The following CACHD1 variants were observed in gnomAD, a reference collection of about 807,000 sequenced individuals.
CACHD1 encodes cache domain containing 1.
CACHD1 carries 71 observed loss-of-function variants against 138.7 expected under a neutral mutation model. The ratio of observed to expected loss-of-function variants is 0.51; its 90% confidence interval spans 0.42 to 0.62. The LOEUF is 0.62. Ranked by LOEUF, CACHD1 falls within the 20% of genes least tolerant of loss-of-function variation. CACHD1 has a pLI of 0.00. For missense variants in CACHD1, 1,389 were observed against 1,625.3 expected, an observed-to-expected ratio of 0.85 and a Z score of 2.50; for synonymous variants, 578 against 591.5, an observed-to-expected ratio of 0.98 and a Z score of 0.33.
At chr1:64,689,354 G>A (rs1650469032) in intron 26 of CACHD1, among the ~76,000 whole-genome samples, 1 of 152,064 alleles carries the variant, frequency 6.6e-6, no homozygotes, top group Non-Finnish European at 1.5e-5. Context: ...ACTTGAAGTT[G>A]TAGTCACCTT....
At chr1:64,599,498 C>G (rs1034084652) in intron 3 of CACHD1, among the ~76,000 whole-genome samples, 5 of 151,680 alleles carry the variant, frequency 3.3e-5, no homozygotes, top group African/African-American at 4.8e-5. Flanking sequence ...CAATTGGGGT[C>G]GAACAGAAGA....
rs1646688072 is a variant in CACHD1 at position 64,542,913 on chromosome 1, A to G, written c.199-7681A>G. 2.0e-5 allele frequency among the ~76,000 whole-genome samples: 3 copies of G among 152,030 alleles called. No individual in the cohort carries two copies. The South Asian group carries it at 6.2e-4, about 31-fold the overall frequency. ...AATATTAAATGAGACAATATGTTGC[A>G]AAGCACCTGAGTGCATTCCAGGCCC... On this transcript the variant is annotated intron_variant, in intron 1 of 26. Transcript: ENST00000651257.
At chr1:64,540,997 T>TGC (rs1267744638) in intron 1 of CACHD1, among the ~76,000 whole-genome samples, 84 of 152,150 alleles carry the variant, frequency 5.5e-4, no homozygotes, top group African/African-American at 1.8e-3. Context: ...TGTGTGTGTG[T>TGC]GCACGCCCGC....
chr1:64,477,351 C>A (rs1181650658), intron 1 of CACHD1, among the ~76,000 whole-genome samples: 1 of 152,150 alleles, frequency 6.6e-6, no homozygotes, highest in Non-Finnish European at 1.5e-5. Flanking sequence ...ATATGGTTCA[C>A]GGACCTTTGG....
chr1:64,662,811 A>G (rs945533466), intron 13 of CACHD1, among the ~76,000 whole-genome samples: 5 of 152,188 alleles, frequency 3.3e-5, no homozygotes, highest in African/African-American at 1.2e-4. Context: ...ATTAATTACT[A>G]TATTTCTAGA....
chr1:64,688,712 C>T (rs1650444690), intron 26 of CACHD1, among the ~76,000 whole-genome samples: 1 of 152,048 alleles, frequency 6.6e-6, no homozygotes, highest in Non-Finnish European at 1.5e-5. Flanking sequence ...CTCATAGCTT[C>T]AGCCAGCCTT....
intron 17 of CACHD1, among the ~76,000 whole-genome samples, chr1:64,671,898 A>C (rs914324820): frequency 6.6e-6 from 1 of 152,176 alleles, no homozygotes; most frequent in African/African-American, 2.4e-5. Context: ...CTCAGCACAC[A>C]ACAAGAAAAA....
chr1:64,644,383 T>G (rs1258740793), intron 8 of CACHD1, among the ~76,000 whole-genome samples: 1 of 152,198 alleles, frequency 6.6e-6, no homozygotes, highest in Non-Finnish European at 1.5e-5. Context: ...GTGAGGAAGA[T>G]AGGTAGACAT....
At chr1:64,473,787 A>G (rs1646159353) in intron 1 of CACHD1, among the ~76,000 whole-genome samples, 1 of 152,218 alleles carries the variant, frequency 6.6e-6, no homozygotes, top group African/African-American at 2.4e-5. Flanking sequence ...AATTCTCGAA[A>G]GACGATTTTA....
At chr1:64,640,720 C>T (rs1225902411) in intron 7 of CACHD1, among the ~76,000 whole-genome samples, 3 of 150,604 alleles carry the variant, frequency 2.0e-5, no homozygotes, top group Non-Finnish European at 4.4e-5. Flanking sequence ...CACACACACA[C>T]ACACACACAC....
At chr1:64,602,420 G>A (rs1314827494) in intron 3 of CACHD1, among the ~76,000 whole-genome samples, 1 of 150,036 alleles carries the variant, frequency 6.7e-6, no homozygotes, top group Non-Finnish European at 1.5e-5. Flanking sequence ...TTTTCAAATA[G>A]GATAATTTAA....
intron 3 of CACHD1, among the ~76,000 whole-genome samples, chr1:64,583,801 AT>A (rs1170576276): frequency 6.6e-6 from 1 of 151,786 alleles, no homozygotes; most frequent in Non-Finnish European, 1.5e-5. Context: ...GCTGCCCTTT[AT>A]AAAACCGTCA....
At chr1:64,641,604 A>T (rs1457097803) in intron 7 of CACHD1, among the ~76,000 whole-genome samples, 1 of 152,186 alleles carries the variant, frequency 6.6e-6, no homozygotes, top group East Asian at 1.9e-4. Flanking sequence ...TCCTTACCTG[A>T]TGCTGCATAA....
intron 2 of CACHD1, among the ~76,000 whole-genome samples, chr1:64,570,134 G>A (rs554622698): frequency 1.4e-4 from 22 of 152,146 alleles, no homozygotes; most frequent in Admixed American, 8.5e-4. Context: ...AAAACCTGGC[G>A]AGCAACTCAA....
intron 1 of CACHD1, among the ~76,000 whole-genome samples, chr1:64,472,884 A>T (rs1646153941): frequency 2.0e-5 from 3 of 150,118 alleles, no homozygotes; most frequent in Admixed American, 2.0e-4. Context: ...TTTCCTTGTA[A>T]GCTAAGGACT....
chr1:64,617,195 G>A (rs555734290), intron 4 of CACHD1, among the ~76,000 whole-genome samples: 57 of 151,604 alleles, frequency 3.8e-4, no homozygotes, highest in Non-Finnish European at 6.8e-4. Context: ...TTGTTCAGCC[G>A]CCATGCAGAC....
chr1:64,612,911 C>T (rs1647584444), intron 4 of CACHD1, among the ~76,000 whole-genome samples: 1 of 152,194 alleles, frequency 6.6e-6, no homozygotes, highest in African/African-American at 2.4e-5. Context: ...ATAGTGATTT[C>T]TCTGATGGAT....
At chr1:64,613,335 A>ATAGTG (rs1226771714) in intron 4 of CACHD1, among the ~76,000 whole-genome samples, 1 of 151,754 alleles carries the variant, frequency 6.6e-6, no homozygotes, top group Admixed American at 6.6e-5. Flanking sequence ...AACAGCAGCT[A>ATAGTG]TAGTGTAGTG....
chr1:64,533,103 C>T (rs1055653459), intron 1 of CACHD1, among the ~76,000 whole-genome samples: 7 of 152,208 alleles, frequency 4.6e-5, no homozygotes, highest in Non-Finnish European at 8.8e-5. Flanking sequence ...TACCTGTAAT[C>T]CCAGCATTTT....
Sources: gnomAD v4.1 joint callset for allele counts (sites outside exome capture counted in the v4.1 genomes callset) on GRCh38, gnomAD v4.1.1 for gene constraint, MANE v1.5 for transcripts, NCBI Gene and HGNC (gene_info 2026-07-23, HGNC 2026-07-21) for gene names.